CARS1: variants seen among roughly 807,000 people sequenced by gnomAD.
CARS1 encodes cysteine--tRNA ligase, cytoplasmic.
A neutral mutation model predicts 106.2 loss-of-function variants in CARS1; 48 were observed. The ratio of observed to expected loss-of-function variants is 0.45; its 90% CI spans 0.36 to 0.57. The LOEUF (loss-of-function observed/expected upper bound fraction) is 0.57. Ranked by LOEUF, CARS1 falls within the 20% of genes least tolerant of loss-of-function variation. The pLI is 0.00. For missense variants in CARS1, 968 were observed against 1,057.2 expected (o/e 0.92, Z 1.17); for synonymous variants, 409 against 403.4 (o/e 1.01, Z -0.17).
chr11:3,015,087 A>C (rs571495147), intron 17 of CARS1, among the ~76,000 whole-genome samples: 4 of 152,342 alleles, frequency 2.6e-5, no homozygotes, highest in Admixed American at 2.0e-4. Flanking sequence ...GTTCTACAGC[A>C]GAAGGACAGG....
chr11:3,014,456 GGC>G (rs1850792238), intron 17 of CARS1, among the ~76,000 whole-genome samples: 1 of 152,244 alleles, frequency 6.6e-6, no homozygotes, highest in African/African-American at 2.4e-5. Context: ...GGCCAAATGA[GGC>G]TGCCTGGGGG....
chr11:3,036,209 T>G (rs1474850718), intron 7 of CARS1, among the ~76,000 whole-genome samples: 3 of 152,176 alleles, frequency 2.0e-5, no homozygotes, highest in Non-Finnish European at 4.4e-5. Context: ...GAGCTTCTGC[T>G]CCTCGCTGTG....
chr11:3,018,775 C>T, intron 12 of CARS1, 26 bp from the exon 13 acceptor site: 1 of 1,607,820 alleles, frequency 6.2e-7, no homozygotes, highest in South Asian at 1.1e-5. Context: ...CAAAGGATGT[C>T]AACAGTCATG....
At chr11:3,011,332 G>A (rs952994466) in intron 18 of CARS1, among the ~76,000 whole-genome samples, 3 of 152,258 alleles carry the variant, frequency 2.0e-5, no homozygotes, top group Admixed American at 1.3e-4. Flanking sequence ...ATGGCCAGGC[G>A]CGGTGGCTCA....
chr11:3,033,285 C>G (rs1027653766), intron 7 of CARS1, among the ~76,000 whole-genome samples: 5 of 152,102 alleles, frequency 3.3e-5, no homozygotes, highest in Non-Finnish European at 5.9e-5. Context: ...TCTTCTCAAG[C>G]ACAAGAGAAC....
chr11:3,035,211 G>A (rs1255308035), intron 7 of CARS1, among the ~76,000 whole-genome samples: 3 of 152,062 alleles, frequency 2.0e-5, no homozygotes, highest in Non-Finnish European at 4.4e-5. Flanking sequence ...AGTATCAGAA[G>A]ACATAAGAAT....
chr11:3,017,296 C>G lies in CARS1; in HGVS notation c.1728-1G>C. 6.2e-7 allele frequency: 1 copy of G among 1,610,992 alleles called. No homozygotes were observed. Among genetic ancestry groups the G allele is most frequent in the Non-Finnish European group, 8.5e-7 (1 of 1,177,374 alleles). On this transcript the variant is annotated splice_acceptor_variant, in intron 15 of 22. Coordinates refer to ENST00000380525, the MANE Select transcript of CARS1 (RefSeq NM_001014437.3). LOFTEE classifies it high-confidence loss of function. The surrounding 1 kb of genome is among the most constrained non-coding windows in gnomAD (Gnocchi z 4.9). ...AATTGCTGTCTTCTTGTCATAAAAG[C>G]TGAGCAACAAAGAGGAAGGAATGTG...
At position 3,030,622 on chromosome 11, in the gene CARS1, A is replaced by C. The variant is rs1402507578; in HGVS notation, c.802-1179T>G. 1 of 152,300 alleles carries C rather than the reference A, an allele frequency of 6.6e-6. No individual in the cohort carries two copies. Among genetic ancestry groups the C allele is most frequent in the Non-Finnish European group, 1.5e-5 (1 of 68,056 alleles). 9.4% of individuals were successfully genotyped at this position (152,300 alleles called of 1,614,324 possible). A position where few individuals can be genotyped will look rare whatever the true frequency, so the allele number is the denominator to read the frequency against. The stretch of plus-strand genomic sequence containing the variant: ...CCTAATCGAGGTCACCAAACACCCA[A>C]GAACATGAGCAACTGTGAATGGGAG... On this transcript the variant is annotated intron_variant, in intron 7 of 22. Transcript: ENST00000380525. The surrounding 1 kb of genome is among the most constrained non-coding windows in gnomAD (Gnocchi z 5.7).
rs1198976836 is a variant in CARS1 at position 3,038,079 on chromosome 11, T to C, written c.772A>G (p.Thr258Ala). The part of the protein sequence containing the change: ...PLEKAVQSRL[T>A]GEEVNSCVEV... ...ACACAGCTGTTGACTTCCTCTCCCG[T>C]GAGTCTGGACTGCACAGCTTTCTCA... The change falls in exon 7 of 23, where the codon ACG becomes GCG. Residue 258 changes from threonine to alanine, a missense_variant. Transcript: ENST00000380525. This position sits in a 1 kb window ranked among gnomAD's most constrained non-coding sequence, Gnocchi z 4.0. 5.6e-6 allele frequency: 9 copies of C among 1,613,728 alleles called. No homozygotes were observed. The highest frequency in any genetic ancestry group is 2.2e-5 in the East Asian group (1 of 44,888).
At position 3,030,492 on chromosome 11, in the gene CARS1, A is replaced by G. The variant is rs1852618172; in HGVS notation, c.802-1049T>C. The G allele has an allele frequency of 6.6e-6, 1 of 152,256 alleles. No individual in the cohort carries two copies. The highest frequency in any genetic ancestry group is 2.4e-5 in the African/African-American group (1 of 41,464). 9.4% of individuals were successfully genotyped at this position (152,256 alleles called of 1,614,324 possible). On this transcript the variant is annotated intron_variant, in intron 7 of 22. Transcript: ENST00000380525. The surrounding 1 kb of genome is among the most constrained non-coding windows in gnomAD (Gnocchi z 5.7). ...TGCGCTCTGGGGAGCAAAGGCTGCC[A>G]AGTCTGCTGCCCGAAAAGCAAACAC...
rs1465739807 is a variant in CARS1 at position 3,039,053 on chromosome 11, G to A, written c.651+141C>T. 6.9e-6 allele frequency: 4 copies of A among 576,434 alleles called. No homozygotes were observed. The highest frequency in any genetic ancestry group is 3.8e-5 in the African/African-American group (2 of 52,430). The allele number at this position is 576,434 out of a possible 1,614,324, so 35.7% of individuals were successfully genotyped here. Reference sequence around the variant, plus strand: ...GGACCTTACCTATGGAGACTTCAGCGCCCCTGACGGAACTGGCTTGAGTAA... The same window carrying A: ...GGACCTTACCTATGGAGACTTCAGCACCCCTGACGGAACTGGCTTGAGTAA... On this transcript the variant is annotated intron_variant, in intron 6 of 22. Transcript: ENST00000380525. The surrounding 1 kb of genome is among the most constrained non-coding windows in gnomAD (Gnocchi z 5.6).
rs1410056730 is a variant in CARS1 at position 3,020,507 on chromosome 11, A to G, written c.1154-175T>C. 1.3e-5 allele frequency among the ~76,000 whole-genome samples: 2 copies of G among 152,146 alleles called. No homozygotes were observed. The highest frequency in any genetic ancestry group is 2.9e-5 in the Non-Finnish European group (2 of 68,024). On this transcript the variant is annotated intron_variant, in intron 10 of 22. Coordinates refer to ENST00000380525, the MANE Select transcript of CARS1 (RefSeq NM_001014437.3). This position sits in a 1 kb window ranked among gnomAD's most constrained non-coding sequence, Gnocchi z 4.6. ...TATGTATTACCAGATTCTGGTGTTG[A>G]CCCAGTGTCTAGATTTACAAAACGG...
intron 10 of CARS1, among the ~76,000 whole-genome samples, chr11:3,025,190 A>G (rs1010064068): frequency 6.6e-6 from 1 of 152,094 alleles, no homozygotes; most frequent in Non-Finnish European, 1.5e-5. Flanking sequence ...CAACCTGGCT[A>G]TCTCTATCTT....
At chr11:3,042,451 G>A (rs1174981788) in intron 2 of CARS1, 195 bp from the exon 3 acceptor site, 1 of 554,212 alleles carries the variant, frequency 1.8e-6, no homozygotes, top group Non-Finnish European at 3.2e-6. Context: ...TTTAGACGGA[G>A]TCTCGCTCTG....
Position 3,043,796 on chromosome 11 carries a change from G to C in CARS1, c.275-1540C>G, listed in dbSNP as rs922596003. 6.6e-6 allele frequency among the ~76,000 whole-genome samples: 1 copy of C among 152,144 alleles called. No individual in the cohort carries two copies. The highest frequency in any genetic ancestry group is 1.5e-5 in the Non-Finnish European group (1 of 68,028). ...TGACTAACAGGCCAAGGGGAGGAAG[G>C]AGGGCGGCTGCACTGTGTCTGGGCA... On this transcript the variant is annotated intron_variant, in intron 2 of 22. Coordinates refer to ENST00000380525, the MANE Select transcript of CARS1 (RefSeq NM_001014437.3). This position sits in a 1 kb window ranked among gnomAD's most constrained non-coding sequence, Gnocchi z 4.0.
chr11:3,033,925 T>C (rs887297680), intron 7 of CARS1, among the ~76,000 whole-genome samples: 2 of 152,158 alleles, frequency 1.3e-5, no homozygotes, highest in African/African-American at 2.4e-5. Context: ...CTGGGCAATT[T>C]TTATAAATTT....
chr11:3,016,914 T>C (rs925133238), intron 16 of CARS1, among the ~76,000 whole-genome samples, 192 bp downstream of exon 16: 2 of 152,220 alleles, frequency 1.3e-5, no homozygotes, highest in Non-Finnish European at 2.9e-5. Context: ...GCTCCGCTTA[T>C]GGGTGTTATT....
Position 3,053,877 on chromosome 11 carries a change from G to A in CARS1, c.25+3466C>T, listed in dbSNP as rs984143645. On this transcript the variant is annotated intron_variant, in intron 1 of 22. Coordinates refer to ENST00000380525, the MANE Select transcript of CARS1 (RefSeq NM_001014437.3). This position sits in a 1 kb window ranked among gnomAD's most constrained non-coding sequence, Gnocchi z 6.6. Reference sequence around the variant, plus strand: ...GCCCTCTGACCCTGCTACTTCAAAGGTCCCACCAGGGTCCTCATCTTGTGG... The same window carrying A: ...GCCCTCTGACCCTGCTACTTCAAAGATCCCACCAGGGTCCTCATCTTGTGG... Among the ~76,000 whole-genome samples the A allele has an allele frequency of 6.6e-6, 1 of 152,032 alleles. No individual in the cohort carries two copies. The highest frequency in any genetic ancestry group is 2.4e-5 in the African/African-American group (1 of 41,380).
chr11:3,051,857 G>A (rs548835210), intron 1 of CARS1, among the ~76,000 whole-genome samples: 7 of 152,292 alleles, frequency 4.6e-5, no homozygotes, highest in Admixed American at 3.3e-4. Flanking sequence ...ACGACAGCAA[G>A]AGGGAAGAAG....
Sources: allele counts gnomAD v4.1 joint callset (sites outside exome capture counted in the v4.1 genomes callset), GRCh38; gene constraint gnomAD v4.1.1; non-coding constraint Gnocchi (gnomAD v3.1); transcripts MANE v1.5; gene names NCBI Gene and HGNC (gene_info 2026-07-23, HGNC 2026-07-21).